Variants in TSGA10 observed in about 807,000 individuals in gnomAD.
TSGA10 encodes the protein testis-specific gene 10 protein.
A neutral mutation model predicts 96.6 loss-of-function variants in TSGA10; 43 were observed. The ratio of observed to expected loss-of-function variants is 0.44; its 90% CI spans 0.35 to 0.57. The LOEUF (loss-of-function observed/expected upper bound fraction) is 0.57, where lower values mean the gene tolerates loss of function less well. TSGA10 is among the 20% of genes least tolerant of loss of function. The pLI, the probability that TSGA10 is intolerant of heterozygous loss-of-function variation, is 0.01. For missense variants in TSGA10, 703 were observed against 834.4 expected (o/e 0.84, Z 1.94); for synonymous variants, 229 against 269.9 (o/e 0.85, Z 1.48).
At position 99,071,719 on chromosome 2, in the gene TSGA10, T is replaced by A. The variant is rs2104514557; in HGVS notation, c.1094A>T (p.Lys365Ile). 1 of 1,612,364 alleles carries A rather than the reference T, an allele frequency of 6.2e-7. No homozygotes were observed. Among genetic ancestry groups the A allele is most frequent in the Non-Finnish European group, 8.5e-7 (1 of 1,179,394 alleles). The change falls in exon 14 of 21, where the codon AAA (lysine) becomes ATA (isoleucine). Residue 365 changes from lysine to isoleucine, a missense_variant. This residue lies in a region of TSGA10 where 585 missense variants were observed against 656.8 expected (regional missense o/e 0.89). Coordinates refer to ENST00000393483, the MANE Select transcript of TSGA10 (RefSeq NM_025244.4). ...GAACAAGTGTACCTGGTTTTCTTGT[T>A]TAGCTTTAGCAAACTGTTCCTGGAG... ...DNLQEQFAKA[K>I]QENQALSKKL...
chr2:99,128,470 C>T (rs1042952730), intron 1 of TSGA10, among the ~76,000 whole-genome samples: 6 of 152,148 alleles, frequency 3.9e-5, no homozygotes, highest in African/African-American at 7.2e-5. Flanking sequence ...TAGAGCAGTA[C>T]TGTTCAATTT....
At chr2:99,052,409 A>G (rs1358551775) in intron 16 of TSGA10, among the ~76,000 whole-genome samples, 2 of 150,970 alleles carry the variant, frequency 1.3e-5, no homozygotes, top group South Asian at 2.1e-4. Context: ...AGATTGAATC[A>G]TGAAAAAAAA....
intron 5 of TSGA10, among the ~76,000 whole-genome samples, chr2:99,110,348 A>G (rs1475936948): frequency 6.6e-6 from 1 of 152,222 alleles, no homozygotes; most frequent in East Asian, 1.9e-4. Flanking sequence ...TTATTTAACA[A>G]TACTTTATTG....
chr2:99,074,761 C>A (rs1046890495), intron 12 of TSGA10, among the ~76,000 whole-genome samples: 3 of 151,972 alleles, frequency 2.0e-5, no homozygotes, highest in Non-Finnish European at 4.4e-5. Flanking sequence ...GAGTTTGAGA[C>A]CAGCCTGACC....
At chr2:99,068,860 T>C (rs547343698) in intron 15 of TSGA10, 28 bp downstream of exon 15, 17 of 1,181,754 alleles carry the variant, frequency 1.4e-5, no homozygotes, top group South Asian at 2.2e-5. Context: ...CTAAGTATCA[T>C]GAGCAAAAAG....
chr2:99,125,230 T>C (rs1324785279), intron 2 of TSGA10: 1 of 152,222 alleles, frequency 6.6e-6, no homozygotes, highest in Non-Finnish European at 1.5e-5. Context: ...CTGAATACTA[T>C]TCCACTGTAT....
intron 2 of TSGA10, among the ~76,000 whole-genome samples, chr2:99,123,737 T>C (rs1452635849): frequency 6.6e-6 from 1 of 152,240 alleles, no homozygotes; most frequent in Non-Finnish European, 1.5e-5. Context: ...TCAAGCATTA[T>C]TTGTCTTCCT....
chr2:99,014,205 C>T (rs778808402), intron 20 of TSGA10, among the ~76,000 whole-genome samples: 4 of 151,732 alleles, frequency 2.6e-5, no homozygotes, highest in African/African-American at 4.8e-5. Context: ...CATTGTGACG[C>T]ATGCCTGTAT....
At chr2:99,076,998 G>A (rs1225208707) in intron 12 of TSGA10, among the ~76,000 whole-genome samples, 1 of 151,992 alleles carries the variant, frequency 6.6e-6, no homozygotes, top group East Asian at 1.9e-4. Flanking sequence ...GCTGAATCAG[G>A]TGTGTTTTTG....
At chr2:99,046,524 T>A (rs1373058840) in intron 16 of TSGA10, among the ~76,000 whole-genome samples, 1 of 152,006 alleles carries the variant, frequency 6.6e-6, no homozygotes, top group Non-Finnish European at 1.5e-5. Context: ...TTGAAACCAA[T>A]GAGAACAAAG....
At chr2:99,132,258 T>C (rs1489107956) in intron 1 of TSGA10, among the ~76,000 whole-genome samples, 3 of 150,472 alleles carry the variant, frequency 2.0e-5, no homozygotes, top group Admixed American at 1.3e-4. Context: ...AATCCTGGGC[T>C]TTTTTTTTGG....
intron 10 of TSGA10, among the ~76,000 whole-genome samples, chr2:99,085,201 C>G (rs1447390590): frequency 6.6e-6 from 1 of 151,728 alleles, no homozygotes; most frequent in Non-Finnish European, 1.5e-5. Context: ...GAGGTGAGAT[C>G]GCACCACTGC....
chr2:99,110,682 T>C (rs2091723754), intron 5 of TSGA10, among the ~76,000 whole-genome samples, 168 bp downstream of exon 5: 1 of 152,146 alleles, frequency 6.6e-6, no homozygotes, highest in Non-Finnish European at 1.5e-5. Flanking sequence ...AAAAAGTCAC[T>C]CTTACAGATG....
chr2:98,999,455 G>A (rs1183719457), intron 20 of TSGA10, among the ~76,000 whole-genome samples: 1 of 152,154 alleles, frequency 6.6e-6, no homozygotes, highest in East Asian at 1.9e-4. Context: ...TGTGATGTCT[G>A]TTGTCTAGAT....
Position 99,025,721 on chromosome 2 carries a change from C to T in TSGA10, c.1615-5239G>A, listed in dbSNP as rs2080504879. Among the ~76,000 whole-genome samples, 3 of 152,124 alleles carry T rather than the reference C, an allele frequency of 2.0e-5. 1 individual carries two copies. The highest frequency in any genetic ancestry group is 4.4e-5 in the Non-Finnish European group (3 of 68,026). On this transcript the variant is annotated intron_variant, in intron 17 of 20. Transcript: ENST00000393483. ...TTTCTTCTTTTTTAATATAGATAGG[C>T]ATTTATAGCTATAAATTTCCCTCTA...
chr2:99,122,311 A>AT (rs1188866796), intron 2 of TSGA10, among the ~76,000 whole-genome samples: 1 of 152,124 alleles, frequency 6.6e-6, no homozygotes, highest in Non-Finnish European at 1.5e-5. Flanking sequence ...TGTTCTAGGC[A>AT]TTACATTATA....
intron 16 of TSGA10, among the ~76,000 whole-genome samples, chr2:99,041,306 G>C (rs777603706): frequency 6.6e-6 from 1 of 152,144 alleles, no homozygotes; most frequent in Non-Finnish European, 1.5e-5. Context: ...CCTTGCTGAG[G>C]GAATTAAATT....
At chr2:99,125,162 T>C (rs1329919019) in intron 2 of TSGA10, 2 of 152,212 alleles carry the variant, frequency 1.3e-5, no homozygotes, top group Non-Finnish European at 2.9e-5. Context: ...CTTTGTAACA[T>C]GTTTTCAAGG....
chr2:99,148,762 G>A (rs992734540), intron 1 of TSGA10, among the ~76,000 whole-genome samples: 4 of 152,180 alleles, frequency 2.6e-5, no homozygotes, highest in Admixed American at 2.6e-4. Flanking sequence ...CCTGAGGTCA[G>A]GGGTTCAAGA....
Sources: gnomAD v4.1 joint callset for allele counts (sites outside exome capture counted in the v4.1 genomes callset) on GRCh38, gnomAD v4.1.1 for gene constraint, gnomAD v4.1.1 regional missense constraint, MANE v1.5 for transcripts, NCBI Gene and HGNC (gene_info 2026-07-23, HGNC 2026-07-21) for gene names.